Variants in AJAP1 observed in about 807,000 individuals in gnomAD.
The protein encoded by AJAP1 is adherens junction-associated protein 1.
AJAP1 carries 5 observed loss-of-function variants against 35.0 expected under a neutral mutation model. That is an observed-to-expected ratio of 0.14 (90% CI 0.07 to 0.30). The LOEUF is 0.30. Ranked by LOEUF, AJAP1 falls within the 10% of genes least tolerant of loss-of-function variation. AJAP1 has a pLI of 1.00. For missense variants in AJAP1, 586 were observed against 571.0 expected, an observed-to-expected ratio of 1.03 and a Z score of -0.27; for synonymous variants, 284 against 249.3, an observed-to-expected ratio of 1.14 and a Z score of -1.31.
intron 1 of AJAP1, among the ~76,000 whole-genome samples, chr1:4,683,083 G>A (rs1570107196): frequency 6.6e-6 from 1 of 152,362 alleles, no homozygotes; most frequent in African/African-American, 2.4e-5. Flanking sequence ...CACTCTTAAT[G>A]GCAAGAGTCA....
At chr1:4,669,203 T>C (rs1384049121) in intron 1 of AJAP1, among the ~76,000 whole-genome samples, 2 of 152,228 alleles carry the variant, frequency 1.3e-5, no homozygotes, top group African/African-American at 2.4e-5. Flanking sequence ...CCATGTCTTT[T>C]AGCAGTCATT....
intron 1 of AJAP1, among the ~76,000 whole-genome samples, chr1:4,698,685 G>A (rs755974513): frequency 6.6e-6 from 1 of 152,188 alleles, no homozygotes; most frequent in Non-Finnish European, 1.5e-5. Context: ...TGCCTCCCAG[G>A]AAACTCTGAG....
At chr1:4,660,501 T>C (rs901918168) in intron 1 of AJAP1, among the ~76,000 whole-genome samples, 6 of 152,120 alleles carry the variant, frequency 3.9e-5, no homozygotes, top group Non-Finnish European at 5.9e-5. Context: ...AGGGTCTCTC[T>C]GTATGATGTC....
rs1407950843 is a variant in AJAP1, at chr1:4,788,055, T to A, written c.*5570T>A. 2 of 257,456 alleles carry A rather than the reference T, an allele frequency of 7.8e-6. No individual in the cohort carries two copies. Among genetic ancestry groups the A allele is most frequent in the Non-Finnish European group, 1.6e-5 (2 of 128,566 alleles). The allele number at this position is 257,456 out of a possible 1,614,324, so 15.9% of individuals were successfully genotyped here. On this transcript the variant is annotated 3_prime_UTR_variant, in exon 6 of 6. Coordinates refer to ENST00000378191, the MANE Select transcript of AJAP1 (RefSeq NM_018836.4). ...CACAGCCCACATAAATGAGCGAAAC[T>A]CATCATCTGAGGATCTTTGATTATT... is the stretch of plus-strand genomic sequence containing the variant.
intron 1 of AJAP1, among the ~76,000 whole-genome samples, chr1:4,688,245 G>A (rs1076944): frequency 6.6e-6 from 1 of 151,842 alleles, no homozygotes; most frequent in Non-Finnish European, 1.5e-5. Flanking sequence ...TTGGCATGCG[G>A]GGGGAGTGGG....
Position 4,693,544 on chromosome 1 carries a change from G to C in AJAP1, c.30-18356G>C, listed in dbSNP as rs1639791013. The stretch of plus-strand genomic sequence containing the variant: ...GTGGGGCTGACAGCCTGTGTTTTGG[G>C]CATCAGGGGACTGGGAGCGGGAGGG... On this transcript the variant is annotated intron_variant, in intron 1 of 5. Transcript: ENST00000378191. The surrounding 1 kb of genome is among the most constrained non-coding windows in gnomAD (Gnocchi z 4.4). Among the ~76,000 whole-genome samples the C allele has an allele frequency of 6.6e-6, 1 of 152,182 alleles. No individual in the cohort carries two copies. Among genetic ancestry groups the C allele is most frequent in the African/African-American group, 2.4e-5 (1 of 41,444 alleles).
chr1:4,699,152 C>T (rs1460957868), intron 1 of AJAP1, among the ~76,000 whole-genome samples: 3 of 152,162 alleles, frequency 2.0e-5, no homozygotes, highest in Non-Finnish European at 4.4e-5. Flanking sequence ...CCCCAGGGTG[C>T]GTGGTGAGTG....
intron 1 of AJAP1, among the ~76,000 whole-genome samples, chr1:4,664,533 C>A (rs1639073676): frequency 6.6e-6 from 1 of 152,156 alleles, no homozygotes; most frequent in Admixed American, 6.5e-5. Context: ...GCAGGGACCA[C>A]CTCTCACCAG....
chr1:4,696,556 T>G (rs1000666264), intron 1 of AJAP1, among the ~76,000 whole-genome samples: 5 of 152,130 alleles, frequency 3.3e-5, no homozygotes, highest in Non-Finnish European at 7.4e-5. Context: ...CTCTAGACAC[T>G]CCACTTGGGA....
At position 4,769,887 on chromosome 1, in the gene AJAP1, C is replaced by T; in HGVS notation, c.864C>T (p.Val288=). 6.2e-7 allele frequency: 1 copy of T among 1,614,112 alleles called. No individual in the cohort carries two copies. Residue 288 remains valine, a synonymous_variant, in exon 3 of 6, where the codon GTC becomes GTT. Coordinates refer to ENST00000378191, the MANE Select transcript of AJAP1 (RefSeq NM_018836.4). ...LAVHQIITIT[V]SLIMVIAALI... is the part of the protein sequence containing the mutation. ...TCCATCAGATCATCACCATCACCGT[C>T]TCCCTCATCATGGTCATAGCTGCTC...
intron 2 of AJAP1, among the ~76,000 whole-genome samples, chr1:4,739,692 G>T (rs535434762): frequency 6.6e-6 from 1 of 152,330 alleles, no homozygotes; most frequent in Non-Finnish European, 1.5e-5. Context: ...TGAAGAGGGG[G>T]AGGAGGCAGC....
At chr1:4,685,905 A>G (rs1570109996) in intron 1 of AJAP1, among the ~76,000 whole-genome samples, 1 of 152,100 alleles carries the variant, frequency 6.6e-6, no homozygotes, top group Non-Finnish European at 1.5e-5. Context: ...CATTGTCAGG[A>G]TTGGGGATGG....
At chr1:4,763,808 C>T (rs1292604535) in intron 2 of AJAP1, among the ~76,000 whole-genome samples, 2 of 148,064 alleles carry the variant, frequency 1.4e-5, no homozygotes, top group Non-Finnish European at 3.0e-5. Context: ...CCCTGCCTTT[C>T]TCCCTCTCCC....
intron 2 of AJAP1, among the ~76,000 whole-genome samples, chr1:4,713,795 G>T (rs1473930342): frequency 6.6e-6 from 1 of 152,240 alleles, no homozygotes; most frequent in Non-Finnish European, 1.5e-5. Flanking sequence ...GTACAAAGTG[G>T]GCGGGGGCGC....
At chr1:4,769,988 G>A (rs1179853545) in intron 3 of AJAP1, 48 bp downstream of exon 3, 2 of 1,511,726 alleles carry the variant, frequency 1.3e-6, no homozygotes, top group Admixed American at 1.7e-5. Context: ...GACTACCGGG[G>A]TCCCTGGGTG....
Position 4,788,970 on chromosome 1 carries a change from T to C in AJAP1, c.*6485T>C, listed in dbSNP as rs1195015049. ...CTGTTTTGGAGCTAAAAGCATAAAA[T>C]GAATCCTCCCTGTAGCTCCATTGCC... On this transcript the variant is annotated 3_prime_UTR_variant, in exon 6 of 6. Transcript: ENST00000378191. The C allele has an allele frequency of 6.6e-6, 1 of 152,244 alleles. No individual in the cohort carries two copies. Among genetic ancestry groups the C allele is most frequent in the Non-Finnish European group, 1.5e-5 (1 of 68,058 alleles). The allele number at this position is 152,244 out of a possible 1,614,324, so 9.4% of individuals were successfully genotyped here. A position where few individuals can be genotyped will look rare whatever the true frequency, so the allele number is the denominator to read the frequency against.
chr1:4,764,112 T>G (rs896413885), intron 2 of AJAP1, among the ~76,000 whole-genome samples: 1 of 152,130 alleles, frequency 6.6e-6, no homozygotes, highest in Non-Finnish European at 1.5e-5. Context: ...CAGAAGACCA[T>G]GGGATTTTTC....
intron 2 of AJAP1, among the ~76,000 whole-genome samples, chr1:4,757,806 T>C (rs1435070317): frequency 6.6e-6 from 1 of 152,198 alleles, no homozygotes. Flanking sequence ...TAAGCAGTTA[T>C]TGAATGAGTG....
At chr1:4,710,373 T>G (rs1234046440) in intron 1 of AJAP1, among the ~76,000 whole-genome samples, 3 of 151,560 alleles carry the variant, frequency 2.0e-5, no homozygotes, top group Non-Finnish European at 4.4e-5. Flanking sequence ...AGATGCATCT[T>G]TACACTCATG....
Sources: gnomAD v4.1 joint callset for allele counts (sites outside exome capture counted in the v4.1 genomes callset) on GRCh38, gnomAD v4.1.1 for gene constraint, Gnocchi (gnomAD v3.1) non-coding constraint, MANE v1.5 for transcripts, NCBI Gene and HGNC (gene_info 2026-07-23, HGNC 2026-07-21) for gene names.